BMP6: variants seen among roughly 807,000 people sequenced by gnomAD.
BMP6 encodes the protein bone morphogenetic protein 6.
Under a neutral mutation model 54.1 loss-of-function variants are expected in BMP6, and 17 were observed. That is an observed-to-expected ratio of 0.31 (90% CI 0.22 to 0.47). The LOEUF is 0.47. BMP6 is among the 20% of genes least tolerant of loss of function. The probability of loss-of-function intolerance (pLI) is 1.00; values close to 1 mark genes in which losing one functional copy is unlikely to be tolerated. For missense variants in BMP6, 720 were observed against 690.4 expected, an observed-to-expected ratio of 1.04 and a Z score of -0.48; for synonymous variants, 328 against 291.2, an observed-to-expected ratio of 1.13 and a Z score of -1.28.
chr6:7,850,752 G>A (rs1251626022), intron 2 of BMP6, among the ~76,000 whole-genome samples: 1 of 152,164 alleles, frequency 6.6e-6, no homozygotes, highest in Non-Finnish European at 1.5e-5. Context: ...TAGAAGTTTT[G>A]AGCTCAGCAG....
At chr6:7,799,738 T>G (rs1758241705) in intron 1 of BMP6, among the ~76,000 whole-genome samples, 1 of 98,350 alleles carries the variant, frequency 1.0e-5, no homozygotes. Flanking sequence ...TTACACTGAT[T>G]ATAAAAAAAA....
At chr6:7,734,414 A>T (rs1024007003) in intron 1 of BMP6, among the ~76,000 whole-genome samples, 6 of 152,186 alleles carry the variant, frequency 3.9e-5, no homozygotes, top group Non-Finnish European at 8.8e-5. Flanking sequence ...AAACACACAG[A>T]GATCCTAGTG....
chr6:7,867,179 T>C (rs1225924), intron 4 of BMP6, among the ~76,000 whole-genome samples: 54,060 of 151,654 alleles, frequency 0.36, 10,576 homozygotes, highest in East Asian at 0.59. Flanking sequence ...GCCAGCATTT[T>C]GTAGAGTAAG....
intron 1 of BMP6, among the ~76,000 whole-genome samples, chr6:7,810,936 C>T (rs965314496): frequency 1.3e-5 from 2 of 152,094 alleles, no homozygotes; most frequent in South Asian, 2.1e-4. Context: ...ATTCAAACCC[C>T]GCCACAGCCA....
intron 4 of BMP6, among the ~76,000 whole-genome samples, chr6:7,873,343 T>C (rs1759559018): frequency 6.6e-6 from 1 of 152,180 alleles, no homozygotes; most frequent in Non-Finnish European, 1.5e-5. Context: ...ATAGGTTTAT[T>C]ATAAGAGGTA....
At chr6:7,862,277 T>G (rs747727279) in intron 3 of BMP6, 24 bp from the exon 4 acceptor site, 2 of 1,612,888 alleles carry the variant, frequency 1.2e-6, no homozygotes, top group Admixed American at 3.3e-5. Flanking sequence ...AATAAAGAGA[T>G]GCATGCTTTG....
At chr6:7,802,498 T>G (rs1180820494) in intron 1 of BMP6, among the ~76,000 whole-genome samples, 1 of 152,212 alleles carries the variant, frequency 6.6e-6, no homozygotes, top group Non-Finnish European at 1.5e-5. Context: ...GTAAGGGGTT[T>G]CTAATAAGGC....
In BMP6 at chr6:7,801,783, G is replaced by A. The variant is rs941359589; in HGVS notation, c.665-43357G>A. The stretch of plus-strand genomic sequence containing the variant: ...AAGGTTTATGGAGAACTGAGACATG[G>A]GGGTGCTGCTCATGATTTAGTGGGC... On this transcript the variant is annotated intron_variant, in intron 1 of 6. Coordinates refer to ENST00000283147, the MANE Select transcript of BMP6 (RefSeq NM_001718.6). 3.9e-5 allele frequency among the ~76,000 whole-genome samples: 6 copies of A among 152,314 alleles called. 1 individual carries two copies. The highest frequency in any genetic ancestry group is 1.4e-4 in the African/African-American group (6 of 41,560).
intron 1 of BMP6, among the ~76,000 whole-genome samples, chr6:7,810,848 G>A (rs1337998584): frequency 6.6e-6 from 1 of 152,154 alleles, no homozygotes; most frequent in Non-Finnish European, 1.5e-5. Context: ...GATTCTTGGC[G>A]ATGGGGTCTC....
chr6:7,803,614 G>T (rs1027759422), intron 1 of BMP6, among the ~76,000 whole-genome samples: 2 of 152,046 alleles, frequency 1.3e-5, no homozygotes, highest in African/African-American at 2.4e-5. Flanking sequence ...GCAAGGCCTG[G>T]TTCACGTGGC....
At chr6:7,759,807 A>G (rs1475360756) in intron 1 of BMP6, among the ~76,000 whole-genome samples, 6 of 141,828 alleles carry the variant, frequency 4.2e-5, no homozygotes, top group South Asian at 2.2e-4. Context: ...AGGTTCAAGC[A>G]GTTCTCCTGC....
rs182294310 is a variant in BMP6 at position 7,765,709 on chromosome 6, C to T, written c.664+38090C>T. On this transcript the variant is annotated intron_variant, in intron 1 of 6. Coordinates refer to ENST00000283147, the MANE Select transcript of BMP6 (RefSeq NM_001718.6). ...AAACCTAGTGGCTTACAACAATCCA[C>T]GGTTATTCTCTCACAGCTGTGTAAA... Among the ~76,000 whole-genome samples, 31 of 152,330 alleles carry T rather than the reference C, an allele frequency of 2.0e-4. No homozygotes were observed. In the East Asian group the frequency reaches 4.2e-3, roughly 21 times the overall value.
At chr6:7,844,033 T>C (rs893022479) in intron 1 of BMP6, among the ~76,000 whole-genome samples, 7 of 152,300 alleles carry the variant, frequency 4.6e-5, no homozygotes, top group African/African-American at 1.7e-4. Flanking sequence ...GACACGGCTT[T>C]ATTTTTTTTG....
intron 1 of BMP6, 99 bp downstream of exon 1, chr6:7,727,718 C>G: frequency 7.6e-7 from 1 of 1,324,098 alleles, no homozygotes; most frequent in South Asian, 1.9e-5. Context: ...TCCCGGCGCG[C>G]GGGTCCCGCC....
chr6:7,825,959 C>G (rs1346176023), intron 1 of BMP6, among the ~76,000 whole-genome samples: 1 of 152,142 alleles, frequency 6.6e-6, no homozygotes, highest in African/African-American at 2.4e-5. Flanking sequence ...TAAAATAACT[C>G]TTCCGTCCAC....
In BMP6 at chr6:7,742,998, T is replaced by C. The variant is rs1581229200; in HGVS notation, c.664+15379T>C. Among the ~76,000 whole-genome samples the C allele has an allele frequency of 2.0e-5, 3 of 152,226 alleles. No homozygotes were observed. The South Asian group carries it at 6.2e-4, about 32-fold the overall frequency. On this transcript the variant is annotated intron_variant, in intron 1 of 6. Transcript: ENST00000283147. ...TTCATTTCCAGGATATAGTGTAGTC[T>C]TAGGATGGAGCAAAGGGAGAGAGAG...
chr6:7,766,995 T>TG (rs1757702623), intron 1 of BMP6, among the ~76,000 whole-genome samples: 1 of 26,460 alleles, frequency 3.8e-5, no homozygotes, highest in African/African-American at 6.7e-5. Context: ...TTTGTTTGTT[T>TG]TTTTTTTTTG....
chr6:7,856,595 A>ATTTTTTT lies in BMP6; in HGVS notation c.858-4843_858-4837dup, dbSNP rs70982115. 4.5e-4 allele frequency among the ~76,000 whole-genome samples: 37 copies of ATTTTTTT among 83,050 alleles called. 2 individuals carry two copies. The highest frequency in any genetic ancestry group is 9.1e-4 in the Admixed American group (6 of 6,584). The allele number at this position is 83,050 out of a possible 152,430, so 54.5% of individuals were successfully genotyped here. The stretch of plus-strand genomic sequence containing the variant: ...ATATAAATGCCAGTTTATCAAGAGC[A>ATTTTTTT]TTTTTTTTTTTTTTTTTTTGAGACG... On this transcript the variant is annotated intron_variant, in intron 2 of 6. Transcript: ENST00000283147.
chr6:7,831,667 A>C (rs1758795717), intron 1 of BMP6, among the ~76,000 whole-genome samples: 1 of 152,298 alleles, frequency 6.6e-6, no homozygotes, highest in Non-Finnish European at 1.5e-5. Context: ...TTGCATCCTG[A>C]ATTTAGAATG....
Sources: allele counts gnomAD v4.1 joint callset (sites outside exome capture counted in the v4.1 genomes callset), GRCh38; gene constraint gnomAD v4.1.1; transcripts MANE v1.5; gene names NCBI Gene and HGNC (gene_info 2026-07-23, HGNC 2026-07-21).